CREB5: variants seen among roughly 807,000 people sequenced by gnomAD.
CREB5 encodes the protein cAMP responsive element binding protein 5, also known as cyclic AMP-responsive element-binding protein 5.
In CREB5, 19 loss-of-function variants were observed where a neutral mutation model predicts 57.1. The ratio of observed to expected loss-of-function variants is 0.33; its 90% confidence interval spans 0.23 to 0.49. The LOEUF (loss-of-function observed/expected upper bound fraction) is 0.49. Among genes scored for constraint, CREB5 ranks in the 20% least tolerant of loss-of-function variants. CREB5 has a pLI of 0.99. For synonymous variants in CREB5, 238 were observed against 238.3 expected, an observed-to-expected ratio of 1.00 and a Z score of 0.01; for missense variants, 579 against 671.6, an observed-to-expected ratio of 0.86 and a Z score of 1.52.
At chr7:28,567,309 G>A (rs902750505) in intron 4 of CREB5, among the ~76,000 whole-genome samples, 1 of 152,270 alleles carries the variant, frequency 6.6e-6, no homozygotes, top group African/African-American at 2.4e-5. Flanking sequence ...ATCTAAAACT[G>A]CATTATTGCA....
At chr7:28,558,381 T>C (rs1407286721) in intron 4 of CREB5, among the ~76,000 whole-genome samples, 1 of 152,208 alleles carries the variant, frequency 6.6e-6, no homozygotes, top group Non-Finnish European at 1.5e-5. Flanking sequence ...TTGCAAGTAC[T>C]AGACAATTTA....
intron 9 of CREB5, among the ~76,000 whole-genome samples, chr7:28,817,440 G>A (rs1349595681): frequency 3.3e-5 from 5 of 152,166 alleles, no homozygotes; most frequent in Non-Finnish European, 7.3e-5. Flanking sequence ...TTTTTAGATT[G>A]AGCAACACAG....
At chr7:28,474,372 G>A (rs1004621612) in intron 1 of CREB5, among the ~76,000 whole-genome samples, 2 of 152,176 alleles carry the variant, frequency 1.3e-5, no homozygotes, top group Non-Finnish European at 2.9e-5. Context: ...CTCCCCATGT[G>A]TGGGATGTGC....
intron 7 of CREB5, among the ~76,000 whole-genome samples, chr7:28,753,920 G>GA (rs1805128207): frequency 6.7e-6 from 1 of 149,598 alleles, no homozygotes; most frequent in Non-Finnish European, 1.5e-5. Context: ...CAGTTTTTCA[G>GA]AAAAAAAGAA....
intron 1 of CREB5, among the ~76,000 whole-genome samples, chr7:28,307,176 T>A (rs1265627155): frequency 1.3e-5 from 2 of 152,216 alleles, no homozygotes; most frequent in Non-Finnish European, 2.9e-5. Flanking sequence ...TGTGATAGGA[T>A]GCTTTCACAC....
chr7:28,421,010 A>G (rs1788225847), intron 1 of CREB5, among the ~76,000 whole-genome samples: 1 of 152,058 alleles, frequency 6.6e-6, no homozygotes, highest in African/African-American at 2.4e-5. Flanking sequence ...TTATTTCAAT[A>G]GCTTTAGGGG....
intron 5 of CREB5, among the ~76,000 whole-genome samples, chr7:28,607,808 T>G (rs138317963): frequency 3.4e-5 from 5 of 146,320 alleles, no homozygotes; most frequent in African/African-American, 1.3e-4. Flanking sequence ...ACCATGTGCA[T>G]ACTTGGAAAG....
At chr7:28,305,937 G>T (rs1232562216) in intron 1 of CREB5, among the ~76,000 whole-genome samples, 1 of 151,768 alleles carries the variant, frequency 6.6e-6, no homozygotes, top group Non-Finnish European at 1.5e-5. Context: ...GTGTGTGTGT[G>T]TGTGCATTTA....
chr7:28,666,823 C>T (rs552508195), intron 5 of CREB5, among the ~76,000 whole-genome samples: 1 of 151,846 alleles, frequency 6.6e-6, no homozygotes, highest in South Asian at 2.1e-4. Flanking sequence ...GTCCCAGCTA[C>T]TTGGAGGCTG....
chr7:28,316,501 A>G (rs1170451668), intron 1 of CREB5, among the ~76,000 whole-genome samples: 1 of 152,150 alleles, frequency 6.6e-6, no homozygotes, highest in African/African-American at 2.4e-5. Context: ...GAGCTTGGGA[A>G]CTAAATATTG....
intron 7 of CREB5, among the ~76,000 whole-genome samples, chr7:28,795,114 A>C (rs990374075): frequency 6.6e-6 from 1 of 152,198 alleles, no homozygotes; most frequent in Non-Finnish European, 1.5e-5. Context: ...TTATTGATAC[A>C]GCTGAAAAAT....
In CREB5 at chr7:28,441,339, C is replaced by T. The variant is rs192631672; in HGVS notation, c.3+28422C>T. Among the ~76,000 whole-genome samples the T allele has an allele frequency of 1.5e-4, 23 of 152,306 alleles. No individual in the cohort carries two copies. The East Asian group carries it at 4.2e-3, about 28-fold the overall frequency. On this transcript the variant is annotated intron_variant, in intron 1 of 10. Coordinates refer to ENST00000357727, the MANE Select transcript of CREB5 (RefSeq NM_182898.4). ...ACTCAAAAGCACAGAGAGATCTTTA[C>T]CACTTGATAATCTCTGGTGGCTCTC...
chr7:28,817,752 T>C (rs1276865525), intron 9 of CREB5, among the ~76,000 whole-genome samples: 1 of 152,214 alleles, frequency 6.6e-6, no homozygotes, highest in Admixed American at 6.5e-5. Flanking sequence ...GGTTATGTAA[T>C]CTACCTAGGG....
At chr7:28,698,948 C>T (rs560210712) in intron 5 of CREB5, among the ~76,000 whole-genome samples, 22 of 152,318 alleles carry the variant, frequency 1.4e-4, no homozygotes, top group African/African-American at 4.3e-4. Context: ...ATGCCTTTTA[C>T]AGGCTGACCC....
At chr7:28,518,382 G>A (rs535198402) in intron 4 of CREB5, among the ~76,000 whole-genome samples, 13 of 152,266 alleles carry the variant, frequency 8.5e-5, no homozygotes, top group African/African-American at 2.9e-4. Context: ...GCAGCACTGG[G>A]CATTTTTGAA....
At chr7:28,468,077 C>T (rs550875532) in intron 1 of CREB5, among the ~76,000 whole-genome samples, 18 of 152,204 alleles carry the variant, frequency 1.2e-4, no homozygotes, top group East Asian at 1.9e-4. Flanking sequence ...GCCTCCTGAA[C>T]GGAAGTCATT....
intron 5 of CREB5, among the ~76,000 whole-genome samples, chr7:28,643,751 T>TCGG (rs5883161): frequency 0.011 from 1,523 of 133,482 alleles, 21 homozygotes; most frequent in African/African-American, 0.025. Flanking sequence ...GTTTGGGAGG[T>TCGG]GGGGGGGGGC....
Position 28,809,248 on chromosome 7 carries a change from G to C in CREB5, c.1088G>C (p.Gly363Ala), listed in dbSNP as rs142716067. Reference sequence around the variant, plus strand: ...ACAATACAGCCACCCCAGCCCACAGGGGGGCGCCGGCGAAGGGTGGTAGAC... The same window carrying C: ...ACAATACAGCCACCCCAGCCCACAGCGGGGCGCCGGCGAAGGGTGGTAGAC... The part of the protein sequence containing the change: ...TQTIQPPQPT[G>A]GRRRRVVDED... The change falls in exon 9 of 11, where the codon GGG becomes GCG. Residue 363 changes from glycine (G) to alanine (A), a missense_variant. By Grantham distance (60) the Gly-to-Ala change is moderately conservative. Transcript: ENST00000357727. The C allele has an allele frequency of 8.6e-4, 1,391 of 1,614,166 alleles. 1 individual carries two copies. Among genetic ancestry groups the C allele is most frequent in the East Asian group, 2.0e-3 (89 of 44,872 alleles).
At chr7:28,306,444 C>T (rs960534832) in intron 1 of CREB5, among the ~76,000 whole-genome samples, 5 of 151,632 alleles carry the variant, frequency 3.3e-5, no homozygotes, top group South Asian at 2.1e-4. Context: ...TGATGTCTGC[C>T]AGGGTAGACT....
Sources: allele counts gnomAD v4.1 joint callset (sites outside exome capture counted in the v4.1 genomes callset), GRCh38; gene constraint gnomAD v4.1.1; transcripts MANE v1.5; gene names NCBI Gene and HGNC (gene_info 2026-07-23, HGNC 2026-07-21).